The following GON4L variants were observed in gnomAD, a reference collection of about 807,000 sequenced individuals.
The protein encoded by GON4L is GON-4-like protein.
In GON4L, 87 loss-of-function variants were observed where a neutral mutation model predicts 211.8. The ratio of observed to expected loss-of-function variants is 0.41; its 90% CI spans 0.35 to 0.49. The LOEUF (loss-of-function observed/expected upper bound fraction) is 0.49. Among genes scored for constraint, GON4L ranks in the 20% least tolerant of loss-of-function variants. The pLI is 0.15. For missense variants in GON4L, 2,155 were observed against 2,659.5 expected (o/e 0.81, Z 4.17); for synonymous variants, 875 against 962.6 (o/e 0.91, Z 1.68).
In GON4L at chr1:155,831,351, A is replaced by G. The variant is rs547427391; in HGVS notation, c.506-4323T>C. ...TGTAATTCCAGCGTTTTGGGAGGCC[A>G]AGGCAGAAAGATTACTTGAAGCCAA... On this transcript the variant is annotated intron_variant, in intron 2 of 31. Coordinates refer to ENST00000368331, the MANE Select transcript of GON4L (RefSeq NM_001282860.2). Among the ~76,000 whole-genome samples, 436 of 152,110 alleles carry G rather than the reference A, an allele frequency of 2.9e-3. 1 individual carries two copies. Among genetic ancestry groups the G allele is most frequent in the Non-Finnish European group, 4.5e-3 (307 of 67,994 alleles).
chr1:155,787,157 G>A (rs1410903514), intron 12 of GON4L, among the ~76,000 whole-genome samples: 3 of 151,716 alleles, frequency 2.0e-5, no homozygotes, highest in Non-Finnish European at 2.9e-5. Context: ...TGATCCACCC[G>A]CCTCAGCCTC....
At chr1:155,810,001 T>C (rs1295938678) in intron 10 of GON4L, among the ~76,000 whole-genome samples, 1 of 132,518 alleles carries the variant, frequency 7.5e-6, no homozygotes, top group Non-Finnish European at 1.6e-5. Flanking sequence ...ATTATATATA[T>C]ATATATATTT....
intron 19 of GON4L, among the ~76,000 whole-genome samples, chr1:155,767,749 A>C (rs1187771479): frequency 6.6e-6 from 1 of 152,150 alleles, no homozygotes; most frequent in Non-Finnish European, 1.5e-5. Context: ...ACTAATCTCT[A>C]TTTAAATATT....
At chr1:155,853,060 C>A (rs1261534370) in intron 2 of GON4L, among the ~76,000 whole-genome samples, 1 of 151,936 alleles carries the variant, frequency 6.6e-6, no homozygotes, top group Non-Finnish European at 1.5e-5. Flanking sequence ...TGCAGTGAGT[C>A]AAGATCCCAC....
At chr1:155,748,001 C>T, downstream of GON4L, 1 of 1,601,016 alleles carries the variant, frequency 6.2e-7, no homozygotes, top group Non-Finnish European at 8.5e-7. Flanking sequence ...CATCTATCGT[C>T]TATTAAACAC....
In GON4L at chr1:155,749,841, G is replaced by T. The variant is rs936227691; in HGVS notation, c.*743C>A. ...TGAGTTTACAATCAAGTCTACTAAG[G>T]TTGGACTTCCTTATCAGTTTGGCGA... On this transcript the variant is annotated 3_prime_UTR_variant, in exon 32 of 32. Transcript: ENST00000368331. 5.2e-4 allele frequency: 822 copies of T among 1,580,992 alleles called. 5 individuals are homozygous for T. The highest frequency in any genetic ancestry group is 2.1e-4 in the Middle Eastern group (1 of 4,750).
At chr1:155,841,219 T>G (rs1406051577) in intron 2 of GON4L, among the ~76,000 whole-genome samples, 1 of 152,256 alleles carries the variant, frequency 6.6e-6, no homozygotes. Context: ...ATGACTTTTT[T>G]GTTTGAAACA....
At position 155,750,532 on chromosome 1, in the gene GON4L, C is replaced by T. The variant is rs1023230208; in HGVS notation, c.*52G>A. ...AAGCAGAGTACAACTACCCCCTCCC[C>T]GGTGCCAGGGCGCCTGTTGGGTTTG... On this transcript the variant is annotated 3_prime_UTR_variant, in exon 32 of 32. Coordinates refer to ENST00000368331, the MANE Select transcript of GON4L (RefSeq NM_001282860.2). 5.1e-5 allele frequency: 78 copies of T among 1,533,654 alleles called. No homozygotes were observed. The highest frequency in any genetic ancestry group is 1.7e-4 in the Middle Eastern group (1 of 5,882).
In GON4L at chr1:155,829,346, C is replaced by G. The variant is rs113123498; in HGVS notation, c.506-2318G>C. ...ATCAGCCAGGCATGGTGGTTCACAC[C>G]TGTAGTCCTAGCACTTTGGGAGGCC... On this transcript the variant is annotated intron_variant, in intron 2 of 31. Coordinates refer to ENST00000368331, the MANE Select transcript of GON4L (RefSeq NM_001282860.2). Among the ~76,000 whole-genome samples, 854 of 152,256 alleles carry G rather than the reference C, an allele frequency of 5.6e-3. 6 individuals are homozygous for G. The highest frequency in any genetic ancestry group is 0.019 in the African/African-American group (807 of 41,562).
intron 18 of GON4L, among the ~76,000 whole-genome samples, chr1:155,771,862 A>C (rs1486148553): frequency 1.3e-5 from 2 of 152,176 alleles, no homozygotes; most frequent in Non-Finnish European, 2.9e-5. Context: ...GTACTGATTA[A>C]GTATTATGAA....
chr1:155,841,655 A>G (rs1670780852), intron 2 of GON4L, among the ~76,000 whole-genome samples: 1 of 152,214 alleles, frequency 6.6e-6, no homozygotes, highest in African/African-American at 2.4e-5. Flanking sequence ...GCGTCCCACC[A>G]AGGGACATGA....
At chr1:155,817,744 T>C (rs566944246) in intron 6 of GON4L, among the ~76,000 whole-genome samples, 43 of 152,092 alleles carry the variant, frequency 2.8e-4, no homozygotes, top group Admixed American at 8.5e-4. Flanking sequence ...TAAGACCCTA[T>C]TTCTACAAAA....
At chr1:155,826,211 TAAA>T (rs373910061) in intron 3 of GON4L, among the ~76,000 whole-genome samples, 1 of 144,936 alleles carries the variant, frequency 6.9e-6, no homozygotes, top group African/African-American at 2.5e-5. Flanking sequence ...ACCCTGTCTT[TAAA>T]AAAAAAAAGG....
intron 2 of GON4L, among the ~76,000 whole-genome samples, chr1:155,829,228 G>A (rs1669516965): frequency 6.6e-6 from 1 of 152,084 alleles, no homozygotes; most frequent in Non-Finnish European, 1.5e-5. Context: ...TTCCACTTAT[G>A]CTTCTCCTTT....
chr1:155,768,748 C>G (rs1557841428), intron 19 of GON4L, among the ~76,000 whole-genome samples: 1 of 151,966 alleles, frequency 6.6e-6, no homozygotes, highest in Non-Finnish European at 1.5e-5. Flanking sequence ...CCATTTAACT[C>G]TTGAATATTC....
At chr1:155,771,253 A>G in intron 18 of GON4L, 36 bp from the exon 19 acceptor site, 1 of 1,612,952 alleles carries the variant, frequency 6.2e-7, no homozygotes, top group Non-Finnish European at 8.5e-7. Context: ...CTCACTTCAC[A>G]GTCCTTCCTT....
At chr1:155,827,108 G>C (rs1669283511) in intron 2 of GON4L, 80 bp from the exon 3 acceptor site, 1 of 1,033,978 alleles carries the variant, frequency 9.7e-7, no homozygotes. Context: ...TCTTATTATA[G>C]TGTTTTTAGG....
chr1:155,783,322 T>C (rs1221310863), intron 14 of GON4L, among the ~76,000 whole-genome samples: 1 of 152,190 alleles, frequency 6.6e-6, no homozygotes, highest in Non-Finnish European at 1.5e-5. Flanking sequence ...CCAGGACGAA[T>C]TACAGGGACT....
At chr1:155,805,483 C>T (rs1406539403) in intron 10 of GON4L, among the ~76,000 whole-genome samples, 1 of 151,934 alleles carries the variant, frequency 6.6e-6, no homozygotes, top group Non-Finnish European at 1.5e-5. Flanking sequence ...TTCCATTAAC[C>T]CAAAAAGAAA....
Sources: gnomAD v4.1 joint callset for allele counts (sites outside exome capture counted in the v4.1 genomes callset) on GRCh38, gnomAD v4.1.1 for gene constraint, MANE v1.5 for transcripts, NCBI Gene and HGNC (gene_info 2026-07-23, HGNC 2026-07-21) for gene names.